GRIK4: variants seen among roughly 807,000 people sequenced by gnomAD.
GRIK4 encodes glutamate receptor ionotropic, kainate 4.
In GRIK4, 40 loss-of-function variants were observed where a neutral mutation model predicts 104.9. That is an observed-to-expected ratio of 0.38 (90% CI 0.30 to 0.50). The LOEUF is 0.50. GRIK4 is among the 20% of genes least tolerant of loss of function. GRIK4 has a pLI of 0.93. For synonymous variants in GRIK4, 485 were observed against 524.9 expected (o/e 0.92, Z 1.04); for missense variants, 1,047 against 1,308.1 (o/e 0.80, Z 3.08).
chr11:120,605,518 G>A lies in GRIK4; in HGVS notation c.-158-48167G>A, dbSNP rs112346336. 7.7e-3 allele frequency among the ~76,000 whole-genome samples: 1,166 copies of A among 152,302 alleles called. 23 individuals are homozygous for A. Among genetic ancestry groups the A allele is most frequent in the African/African-American group, 0.027 (1,107 of 41,564 alleles). On this transcript the variant is annotated intron_variant, in intron 1 of 20. Transcript: ENST00000527524. Reference sequence around the variant, plus strand: ...GCCATCAGCAAGTTCCCAGCTTAGCGTCTGAGTGGGGTGGGTCCTCTGTAG... The same window carrying A: ...GCCATCAGCAAGTTCCCAGCTTAGCATCTGAGTGGGGTGGGTCCTCTGTAG...
chr11:120,811,312 A>G (rs12290599), intron 4 of GRIK4, among the ~76,000 whole-genome samples: 4,041 of 152,324 alleles, frequency 0.027, 172 homozygotes, highest in African/African-American at 0.089. Flanking sequence ...AGGGAAGACA[A>G]TAACTCAGTG....
chr11:120,901,049 GC>G (rs1458206632), intron 12 of GRIK4, among the ~76,000 whole-genome samples: 1 of 152,126 alleles, frequency 6.6e-6, no homozygotes, highest in Admixed American at 6.5e-5. Flanking sequence ...CAGGATCGGG[GC>G]CCCTCTACTT....
intron 18 of GRIK4, among the ~76,000 whole-genome samples, chr11:120,965,833 T>C (rs1440651591): frequency 6.6e-6 from 1 of 152,214 alleles, no homozygotes; most frequent in Non-Finnish European, 1.5e-5. Context: ...CCCCAGGTGA[T>C]TGCAATGCAC....
intron 1 of GRIK4, among the ~76,000 whole-genome samples, chr11:120,596,035 CG>C (rs567297535): frequency 3.8e-4 from 58 of 152,194 alleles, no homozygotes; most frequent in African/African-American, 1.3e-3. Context: ...TTAGTAGAGA[CG>C]GTGTTTCATC....
intron 3 of GRIK4, among the ~76,000 whole-genome samples, chr11:120,707,124 C>T (rs368751511): frequency 2.1e-4 from 32 of 152,194 alleles, no homozygotes; most frequent in South Asian, 6.2e-4. Context: ...CAGGAGGATA[C>T]GGCAGTGTGA....
intron 1 of GRIK4, among the ~76,000 whole-genome samples, chr11:120,531,329 C>T (rs888227805): frequency 5.3e-5 from 8 of 152,234 alleles, no homozygotes; most frequent in African/African-American, 1.9e-4. Context: ...ATGACATTTT[C>T]CTTCCCCACA....
chr11:120,660,228 G>A, intron 2 of GRIK4, 41 bp from the exon 3 acceptor site: 1 of 871,478 alleles, frequency 1.1e-6, no homozygotes, highest in Non-Finnish European at 1.9e-6. Context: ...CTGCCTAGCT[G>A]GAGCCTGGGA....
intron 13 of GRIK4, among the ~76,000 whole-genome samples, chr11:120,916,145 T>G (rs908739151): frequency 6.6e-6 from 1 of 152,182 alleles, no homozygotes; most frequent in Non-Finnish European, 1.5e-5. Flanking sequence ...GACACTTCTG[T>G]CCTCAACCCT....
At position 120,952,432 on chromosome 11, in the gene GRIK4, C is replaced by T. The variant is rs1424977326; in HGVS notation, c.1591-423C>T. On this transcript the variant is annotated intron_variant, in intron 14 of 20. Coordinates refer to ENST00000527524, the MANE Select transcript of GRIK4 (RefSeq NM_014619.5). This position sits in a 1 kb window ranked among gnomAD's most constrained non-coding sequence, Gnocchi z 5.2. ...CCAGAGACTCCGGTTGTATTAGCAT[C>T]CTGGTGAAAAAGATGTGAGTGTCTA... Among the ~76,000 whole-genome samples the T allele has an allele frequency of 1.3e-5, 2 of 152,172 alleles. No individual in the cohort carries two copies. Among genetic ancestry groups the T allele is most frequent in the African/African-American group, 4.8e-5 (2 of 41,442 alleles).
intron 11 of GRIK4, among the ~76,000 whole-genome samples, chr11:120,896,707 G>A (rs977543599): frequency 2.6e-5 from 4 of 152,222 alleles, no homozygotes; most frequent in Non-Finnish European, 5.9e-5. Flanking sequence ...GGGTGGGGGC[G>A]GCGAGAAAGG....
intron 1 of GRIK4, among the ~76,000 whole-genome samples, chr11:120,612,578 A>G (rs1949051109): frequency 6.6e-6 from 1 of 152,192 alleles, no homozygotes; most frequent in East Asian, 1.9e-4. Flanking sequence ...AGTCCCTATG[A>G]TGAAACGTAT....
chr11:120,862,066 C>T lies in GRIK4; in HGVS notation c.852C>T (p.Ser284=), dbSNP rs1954279716. The T allele has an allele frequency of 6.2e-7, 1 of 1,614,026 alleles. No individual in the cohort carries two copies. ...SHAFFQEFAQ[S]LNQSWQENCD... is the part of the protein sequence containing the mutation. ...CTTTCTTCCAAGAGTTTGCCCAGAGCCTCAACCAGTCCTGGCAGGAGAACT... is the reference window on the plus strand; with the variant it reads ...CTTTCTTCCAAGAGTTTGCCCAGAGTCTCAACCAGTCCTGGCAGGAGAACT... The change falls in exon 9 of 21, where the codon AGC becomes AGT. Residue 284 remains serine, a synonymous_variant. Coordinates refer to ENST00000527524, the MANE Select transcript of GRIK4 (RefSeq NM_014619.5).
At chr11:120,587,921 T>G in intron 1 of GRIK4, among the ~76,000 whole-genome samples, 1 of 152,150 alleles carries the variant, frequency 6.6e-6, no homozygotes, top group East Asian at 1.9e-4. Context: ...TATTAAGAGA[T>G]CTTTCTAATT....
intron 1 of GRIK4, among the ~76,000 whole-genome samples, chr11:120,624,542 C>T (rs1949231360): frequency 6.6e-6 from 1 of 152,128 alleles, no homozygotes; most frequent in East Asian, 1.9e-4. Flanking sequence ...TGCTGGCCAC[C>T]CCTTGTTCTC....
At chr11:120,657,321 C>T (rs1949726924) in intron 2 of GRIK4, among the ~76,000 whole-genome samples, 1 of 152,180 alleles carries the variant, frequency 6.6e-6, no homozygotes, top group Non-Finnish European at 1.5e-5. Context: ...TCTAGCTTCT[C>T]CTAAGACTGT....
At position 120,911,093 on chromosome 11, in the gene GRIK4, G is replaced by T. The variant is rs1216720001; in HGVS notation, c.1476+5600G>T. On this transcript the variant is annotated intron_variant, in intron 13 of 20. Coordinates refer to ENST00000527524, the MANE Select transcript of GRIK4 (RefSeq NM_014619.5). ...CGTGGGCAGCTGTCATTGATGAAGG[G>T]CCTGTTTGAGCTGCAGCATGAAACA... is the stretch of plus-strand genomic sequence containing the variant. Among the ~76,000 whole-genome samples, 13 of 152,214 alleles carry T rather than the reference G, an allele frequency of 8.5e-5. No homozygotes were observed. The East Asian group carries it at 2.5e-3, about 30-fold the overall frequency.
At chr11:120,850,561 C>T (rs1953950012) in intron 8 of GRIK4, among the ~76,000 whole-genome samples, 1 of 152,244 alleles carries the variant, frequency 6.6e-6, no homozygotes, top group South Asian at 2.1e-4. Flanking sequence ...CAAGGCAGAG[C>T]TCAGGGCAGG....
intron 3 of GRIK4, among the ~76,000 whole-genome samples, chr11:120,797,645 C>T (rs1270945634): frequency 2.0e-5 from 3 of 152,142 alleles, no homozygotes; most frequent in Admixed American, 1.3e-4. Context: ...CCGTTTCCAG[C>T]CAGATAGGAA....
chr11:120,958,164 T>G (rs1944208033), intron 16 of GRIK4, among the ~76,000 whole-genome samples: 1 of 152,138 alleles, frequency 6.6e-6, no homozygotes, highest in Non-Finnish European at 1.5e-5. Context: ...TTCTGGAGAG[T>G]GCCTGCTCCC....
Sources: allele counts gnomAD v4.1 joint callset (sites outside exome capture counted in the v4.1 genomes callset), GRCh38; gene constraint gnomAD v4.1.1; non-coding constraint Gnocchi (gnomAD v3.1); transcripts MANE v1.5; gene names NCBI Gene and HGNC (gene_info 2026-07-23, HGNC 2026-07-21).